ARHGEF40: variants seen among roughly 807,000 people sequenced by gnomAD.
ARHGEF40 encodes the protein Rho guanine nucleotide exchange factor (GEF) 40.
ARHGEF40 carries 98 observed loss-of-function variants against 165.9 expected under a neutral mutation model. That is an observed-to-expected ratio of 0.59 (90% CI 0.50 to 0.70). ARHGEF40 has a LOEUF of 0.70. Ranked by LOEUF, ARHGEF40 falls within the 30% of genes least tolerant of loss-of-function variation. ARHGEF40 has a pLI of 0.00. For synonymous variants in ARHGEF40, 792 were observed against 814.3 expected, an observed-to-expected ratio of 0.97 and a Z score of 0.47; for missense variants, 1,815 against 1,968.0, an observed-to-expected ratio of 0.92 and a Z score of 1.47.
At chr14:21,077,280 T>TTC (rs1887506537) in intron 8 of ARHGEF40, among the ~76,000 whole-genome samples, 1 of 66,648 alleles carries the variant, frequency 1.5e-5, no homozygotes, top group Non-Finnish European at 3.3e-5. Flanking sequence ...AGTTTTTGTA[T>TTC]TTTTTTTTTT....
intron 9 of ARHGEF40, 24 bp downstream of exon 9, chr14:21,078,296 G>C: frequency 1.2e-6 from 2 of 1,611,436 alleles, no homozygotes; most frequent in Non-Finnish European, 8.5e-7. Flanking sequence ...TGGGACAGTG[G>C]GGGGATGGGA....
Position 21,080,973 on chromosome 14 carries a change from G to A in ARHGEF40, c.2597G>A (p.Ser866Asn), listed in dbSNP as rs766036293. Residue 866 changes from serine (S) to asparagine (N), a missense_variant, in exon 13 of 24, where the codon AGT becomes AAT. Transcript: ENST00000298694. Reference sequence around the variant, plus strand: ...GAACAGCGGCTGGAGCAGGTTGAGAGTGGCCTCCATCGGGCCCTGCGGCTA... The same window carrying A: ...GAACAGCGGCTGGAGCAGGTTGAGAATGGCCTCCATCGGGCCCTGCGGCTA... Reference protein sequence around the residue: ...IFEQRLEQVESGLHRALRLQR... With the variant: ...IFEQRLEQVENGLHRALRLQR... The A allele has an allele frequency of 6.2e-7, 1 of 1,614,200 alleles. No homozygotes were observed. The highest frequency in any genetic ancestry group is 1.7e-5 in the Admixed American group (1 of 60,026).
chr14:21,089,465 T>C lies in ARHGEF40; in HGVS notation c.*457T>C, dbSNP rs1299865314. 1 of 152,786 alleles carries C rather than the reference T, an allele frequency of 6.5e-6. No individual in the cohort carries two copies. The highest frequency in any genetic ancestry group is 2.4e-5 in the African/African-American group (1 of 41,426). 9.5% of individuals were successfully genotyped at this position (152,786 alleles called of 1,614,324 possible). A position where few individuals can be genotyped will look rare whatever the true frequency, so the allele number is the denominator to read the frequency against. On this transcript the variant is annotated 3_prime_UTR_variant, in exon 24 of 24. Transcript: ENST00000298694. ...TGAAGCTATGCAAACAATAGGAGGG[T>C]GTGACAGGGGAACCGTAGACTTTAT...
rs768934980 is a variant in ARHGEF40, at chr14:21,084,727, A to C, written c.3790-26A>C. 5.0e-6 allele frequency: 8 copies of C among 1,603,912 alleles called. No individual in the cohort carries two copies. In the African/African-American group the frequency reaches 6.7e-5, roughly 14 times the overall value. The stretch of plus-strand genomic sequence containing the variant: ...ATACAAACAAAGGGCCCCTGGGCCA[A>C]CCACTTTTCCTTTTCCTTTCTCCAG... On this transcript the variant is annotated intron_variant, in intron 17 of 23. Transcript: ENST00000298694.
At chr14:21,069,390 C>A (rs553362708), upstream of ARHGEF40, among the ~76,000 whole-genome samples, 3 of 152,348 alleles carry the variant, frequency 2.0e-5, no homozygotes, top group East Asian at 3.9e-4. Flanking sequence ...GCCACCCCAA[C>A]AGAAGGAAGG....
rs764719933 is a variant in ARHGEF40 at position 21,087,362 on chromosome 14, A to G, written c.4286A>G (p.His1429Arg). ...RASVAVSSFE[H>R]AGPSLPGLSP... ...TCCGTGGCCGTGTCATCCTTTGAGC[A>G]TGCCGGCCCCTCCCTTCCCGGCCTT... Residue 1429 changes from histidine (H) to arginine (R), a missense_variant, in exon 21 of 24, where the codon CAT becomes CGT. His to Arg is a conservative substitution (Grantham distance 29). Transcript: ENST00000298694. 6.2e-7 allele frequency: 1 copy of G among 1,605,698 alleles called. No homozygotes were observed. The highest frequency in any genetic ancestry group is 1.1e-5 in the South Asian group (1 of 91,062).
the ARHGEF40 span, among the ~76,000 whole-genome samples, chr14:21,061,569 G>A: frequency 6.6e-6 from 1 of 151,718 alleles, no homozygotes; most frequent in African/African-American, 2.4e-5. Context: ...ATCTCTACTG[G>A]GTGTGTTCTC....
Position 21,085,870 on chromosome 14 carries a change from C to T in ARHGEF40, c.4138+4C>T, listed in dbSNP as rs1888297729. 1.2e-6 allele frequency: 2 copies of T among 1,613,512 alleles called. No homozygotes were observed. Among genetic ancestry groups the T allele is most frequent in the South Asian group, 2.2e-5 (2 of 91,074 alleles). On this transcript the variant is annotated splice_donor_region_variant and intron_variant, in intron 19 of 23. Transcript: ENST00000298694. Reference sequence around the variant, plus strand: ...AGACAGGCAGCCCACAACAAGGGTACTGGGCAGAGCTGAGGAAGGGGGTGC... The same window carrying T: ...AGACAGGCAGCCCACAACAAGGGTATTGGGCAGAGCTGAGGAAGGGGGTGC...
At chr14:21,069,596 C>T (rs1308691226), upstream of ARHGEF40, among the ~76,000 whole-genome samples, 1 of 152,228 alleles carries the variant, frequency 6.6e-6, no homozygotes, top group Non-Finnish European at 1.5e-5. Context: ...CGCCCCCTAT[C>T]CCAAGCCTTC....
rs1887279516 is a variant in ARHGEF40, at chr14:21,074,899, C to T, written c.1169C>T (p.Ala390Val). 1 of 1,609,946 alleles carries T rather than the reference C, an allele frequency of 6.2e-7. No individual in the cohort carries two copies. Among genetic ancestry groups the T allele is most frequent in the Admixed American group, 1.7e-5 (1 of 59,244 alleles). Residue 390 changes from alanine (A) to valine (V), a missense_variant, in exon 3 of 24, where the codon GCT (alanine) becomes GTT (valine). Transcript: ENST00000298694. The surrounding 1 kb of genome is among the most constrained non-coding windows in gnomAD (Gnocchi z 4.8). ...RRKKRAAGRG[A>V]LSRGGDSAPL... ...AAGAAGCGAGCTGCAGGTCGAGGGG[C>T]TCTTAGCCGAGGAGGGGACAGTGCC...
Position 21,080,731 on chromosome 14 carries a change from T to C in ARHGEF40, c.2445T>C (p.Ser815=). ...ASFAMPGDTL[S]ALQETELRFR... is the part of the protein sequence containing the mutation. ...TTGCTATGCCTGGGGACACCTTGTC[T>C]GCCCTGCAGGAGACAGAGCTGCGAT... The change falls in exon 12 of 24, where the codon TCT becomes TCC. Residue 815 remains serine, a synonymous_variant. Transcript: ENST00000298694. 6.2e-7 allele frequency: 1 copy of C among 1,611,970 alleles called. No homozygotes were observed. Among genetic ancestry groups the C allele is most frequent in the South Asian group, 1.1e-5 (1 of 90,728 alleles).
chr14:21,071,477 G>A (rs575357301), intron 1 of ARHGEF40, among the ~76,000 whole-genome samples: 1 of 152,252 alleles, frequency 6.6e-6, no homozygotes, highest in East Asian at 1.9e-4. Context: ...CCTCTGGCAG[G>A]GAGGCTGGAG....
intron 19 of ARHGEF40, chr14:21,086,379 A>C (rs1888333777): frequency 9.4e-6 from 1 of 106,388 alleles, no homozygotes; most frequent in African/African-American, 3.2e-5. Context: ...CTGTCTTTAA[A>C]GGATTTTTTT....
At chr14:21,077,134 T>G (rs928124725) in intron 8 of ARHGEF40, among the ~76,000 whole-genome samples, 1 of 152,074 alleles carries the variant, frequency 6.6e-6, no homozygotes, top group Non-Finnish European at 1.5e-5. Context: ...TTAGACAGTC[T>G]CACTCTGTCA....
At chr14:21,078,823 A>C in intron 10 of ARHGEF40, 61 bp from the exon 11 acceptor site, 5 of 1,584,194 alleles carry the variant, frequency 3.2e-6, no homozygotes, top group Non-Finnish European at 4.3e-6. Context: ...AGAGGCACGG[A>C]AGGACAGAAT....
At chr14:21,082,515 C>T (rs1223175128) in intron 15 of ARHGEF40, 37 bp downstream of exon 15, 3 of 1,533,598 alleles carry the variant, frequency 2.0e-6, no homozygotes, top group South Asian at 1.2e-5. Flanking sequence ...AGTGCTCTCC[C>T]TTCTCTGTTC....
At chr14:21,087,869 G>A in intron 21 of ARHGEF40, 99 bp from the exon 22 acceptor site, 1 of 1,538,854 alleles carries the variant, frequency 6.5e-7, no homozygotes, top group Non-Finnish European at 8.9e-7. Context: ...ACAGCTTCCT[G>A]TTGCTATGGA....
At chr14:21,087,929 G>A (rs1205211091) in intron 21 of ARHGEF40, 39 bp from the exon 22 acceptor site, 1 of 1,612,234 alleles carries the variant, frequency 6.2e-7, no homozygotes, top group African/African-American at 1.3e-5. Flanking sequence ...TAATCTGGAG[G>A]GATTCTGTAC....
chr14:21,080,896 G>A lies in ARHGEF40; in HGVS notation c.2520G>A (p.Glu840=). The change falls in exon 13 of 24, where the codon GAG becomes GAA. Residue 840 remains glutamate, a synonymous_variant. Coordinates refer to ENST00000298694, the MANE Select transcript of ARHGEF40 (RefSeq NM_018071.5). ...AGGAGCGCCTGGCCCAGGCACGGGA[G>A]GCCCTGGCTCTGGAGGAGAATGCCA... ...EVQERLAQAR[E]ALALEENATS... 2 of 1,614,120 alleles carry A rather than the reference G, an allele frequency of 1.2e-6. No individual in the cohort carries two copies. Among genetic ancestry groups the A allele is most frequent in the Non-Finnish European group, 1.7e-6 (2 of 1,179,994 alleles).
Sources: allele counts gnomAD v4.1 joint callset (sites outside exome capture counted in the v4.1 genomes callset), GRCh38; gene constraint gnomAD v4.1.1; non-coding constraint Gnocchi (gnomAD v3.1); transcripts MANE v1.5; gene names NCBI Gene and HGNC (gene_info 2026-07-23, HGNC 2026-07-21).